Variants in TPTE2 observed in about 807,000 individuals in gnomAD.
The protein encoded by TPTE2 is phosphatidylinositol 3,4,5-trisphosphate 3-phosphatase TPTE2.
A neutral mutation model predicts 78.6 loss-of-function variants in TPTE2; 53 were observed. That is an observed-to-expected ratio of 0.67 (90% confidence interval 0.54 to 0.85). TPTE2 has a LOEUF of 0.85. Ranked by LOEUF, TPTE2 falls within the 40% of genes least tolerant of loss-of-function variation. The probability of loss-of-function intolerance (pLI) is 0.00; values close to 1 mark genes in which losing one functional copy is unlikely to be tolerated. For missense variants in TPTE2, 461 were observed against 623.0 expected, an observed-to-expected ratio of 0.74 and a Z score of 2.77; for synonymous variants, 175 against 206.2, an observed-to-expected ratio of 0.85 and a Z score of 1.30.
At chr13:19,463,484 T>C (rs1879068401) in intron 10 of TPTE2, among the ~76,000 whole-genome samples, 1 of 152,236 alleles carries the variant, frequency 6.6e-6, no homozygotes, top group Non-Finnish European at 1.5e-5. Context: ...CCATTTGATA[T>C]ACTCTTTAAA....
the TPTE2 span, chr13:19,561,377 G>A: frequency 8.5e-6 from 4 of 468,282 alleles, no homozygotes; most frequent in Admixed American, 4.1e-5. Context: ...TATTCCCGCT[G>A]TCGCAGACGC....
At chr13:19,558,077 A>C in the TPTE2 span, among the ~76,000 whole-genome samples, 2 of 152,226 alleles carry the variant, frequency 1.3e-5, no homozygotes, top group Admixed American at 6.5e-5. Flanking sequence ...AATTGGTCCA[A>C]GATTTCTGTT....
intron 13 of TPTE2, among the ~76,000 whole-genome samples, chr13:19,444,008 G>C (rs1457237365): frequency 6.6e-6 from 1 of 152,018 alleles, no homozygotes; most frequent in Non-Finnish European, 1.5e-5. Context: ...GAACTAATAA[G>C]TGAGTTTAGG....
intron 3 of TPTE2, among the ~76,000 whole-genome samples, chr13:19,482,975 A>G (rs1880449294): frequency 6.6e-6 from 1 of 152,216 alleles, no homozygotes; most frequent in Non-Finnish European, 1.5e-5. Flanking sequence ...TGCATATAAA[A>G]GTTATGTTTA....
At chr13:19,439,328 AG>A (rs1204597024) in intron 13 of TPTE2, among the ~76,000 whole-genome samples, 1 of 152,118 alleles carries the variant, frequency 6.6e-6, no homozygotes, top group East Asian at 1.9e-4. Flanking sequence ...ACCTGCTGGC[AG>A]AAGTGCATAG....
chr13:19,456,769 T>TG (rs958026334), intron 10 of TPTE2, among the ~76,000 whole-genome samples: 4 of 152,122 alleles, frequency 2.6e-5, no homozygotes, highest in Non-Finnish European at 4.4e-5. Flanking sequence ...TAACAAGGTG[T>TG]GGGGGTGTGT....
At chr13:19,546,902 GA>G in the TPTE2 span, among the ~76,000 whole-genome samples, 3 of 147,946 alleles carry the variant, frequency 2.0e-5, no homozygotes, top group Admixed American at 6.7e-5. Context: ...AGGAGAAAAA[GA>G]AAAAAAAATG....
intron 7 of TPTE2, 107 bp downstream of exon 10, chr13:19,467,118 G>A: frequency 7.5e-7 from 1 of 1,326,222 alleles, no homozygotes; most frequent in Non-Finnish European, 1.0e-6. Context: ...AATGTATTTG[G>A]TATAGATGAG....
At chr13:19,438,760 G>C (rs1245157378) in intron 13 of TPTE2, among the ~76,000 whole-genome samples, 2 of 152,180 alleles carry the variant, frequency 1.3e-5, no homozygotes, top group Non-Finnish European at 2.9e-5. Context: ...AACTCTGTGA[G>C]CTTTAATTCA....
At chr13:19,480,489 A>T (rs1003213986) in intron 4 of TPTE2, among the ~76,000 whole-genome samples, 5 of 152,218 alleles carry the variant, frequency 3.3e-5, no homozygotes, top group Admixed American at 2.6e-4. Context: ...ACTTTCTGAG[A>T]ATAACATTAA....
At chr13:19,453,619 C>T (rs1474608985) in intron 10 of TPTE2, among the ~76,000 whole-genome samples, 1 of 149,500 alleles carries the variant, frequency 6.7e-6, no homozygotes, top group African/African-American at 2.5e-5. Context: ...AAGTAGTTTA[C>T]CGAAGACTGC....
intron 4 of TPTE2, among the ~76,000 whole-genome samples, chr13:19,481,458 A>G (rs1880352701): frequency 6.6e-6 from 1 of 152,230 alleles, no homozygotes; most frequent in Non-Finnish European, 1.5e-5. Flanking sequence ...CACTGATTCC[A>G]GCTTTTACTA....
the TPTE2 span, among the ~76,000 whole-genome samples, chr13:19,547,720 C>CATATATTTATGTATATATATAT: frequency 8.4e-6 from 1 of 118,848 alleles, no homozygotes; most frequent in Non-Finnish European, 1.8e-5. Context: ...AATAAATATA[C>CATATATTTATGTATATATATAT]ATATATATAT....
chr13:19,561,172 C>T, the TPTE2 span: 1 of 1,580,958 alleles, frequency 6.3e-7, no homozygotes, highest in South Asian at 1.1e-5. Flanking sequence ...GCTCGGGTCT[C>T]TGTCTCCGAG....
At chr13:19,440,386 G>T (rs1264500097) in intron 13 of TPTE2, among the ~76,000 whole-genome samples, 1 of 151,172 alleles carries the variant, frequency 6.6e-6, no homozygotes, top group East Asian at 2.0e-4. Flanking sequence ...CTCAATAGAT[G>T]CAGAAAAAAA....
upstream of TPTE2, among the ~76,000 whole-genome samples, chr13:19,541,310 A>G (rs1871430700): frequency 6.6e-6 from 1 of 152,198 alleles, no homozygotes; most frequent in Non-Finnish European, 1.5e-5. Flanking sequence ...TGAACCAATC[A>G]AAGCAGTGAC....
chr13:19,461,983 G>T, intron 10 of TPTE2, among the ~76,000 whole-genome samples: 1 of 143,034 alleles, frequency 7.0e-6, no homozygotes, highest in Non-Finnish European at 1.5e-5. Context: ...TCTTTTAATT[G>T]GGAATTTGAT....
At chr13:19,482,024 A>G (rs1479302621) in intron 4 of TPTE2, among the ~76,000 whole-genome samples, 28 of 152,136 alleles carry the variant, frequency 1.8e-4, no homozygotes, top group Admixed American at 1.8e-3. Flanking sequence ...TAGTGAGATT[A>G]GAAACAAATA....
At chr13:19,467,984 G>T (rs1198187508) in intron 6 of TPTE2, among the ~76,000 whole-genome samples, 2 of 129,834 alleles carry the variant, frequency 1.5e-5, no homozygotes, top group African/African-American at 2.9e-5. Flanking sequence ...CAAACATAGT[G>T]ATCTCTAGTT....
Sources: allele counts gnomAD v4.1 joint callset (sites outside exome capture counted in the v4.1 genomes callset), GRCh38; gene constraint gnomAD v4.1.1; transcripts MANE v1.5; gene names NCBI Gene and HGNC (gene_info 2026-07-23, HGNC 2026-07-21).